The following SLC35F4 variants were observed in gnomAD, a reference collection of about 807,000 sequenced individuals.
SLC35F4 encodes solute carrier family 35 member F4.
SLC35F4 carries 24 observed loss-of-function variants against 44.2 expected under a neutral mutation model. The observed-to-expected ratio is 0.54, with a 90% CI of 0.39 to 0.76. The LOEUF (loss-of-function observed/expected upper bound fraction) is 0.76. SLC35F4 is among the 30% of genes least tolerant of loss of function. The pLI, the probability that SLC35F4 is intolerant of heterozygous loss-of-function variation, is 0.00. For missense variants in SLC35F4, 562 were observed against 586.1 expected (o/e 0.96, Z 0.42); for synonymous variants, 238 against 223.6 (o/e 1.06, Z -0.57).
At chr14:57,916,261 T>C (rs545064093) in intron 1 of SLC35F4, among the ~76,000 whole-genome samples, 4 of 152,294 alleles carry the variant, frequency 2.6e-5, no homozygotes, top group East Asian at 3.9e-4. Flanking sequence ...CATTAATCTA[T>C]TGATGAGGGC....
At chr14:57,788,413 G>T (rs1011709583) in intron 1 of SLC35F4, among the ~76,000 whole-genome samples, 2 of 152,048 alleles carry the variant, frequency 1.3e-5, no homozygotes, top group African/African-American at 4.8e-5. Flanking sequence ...TGGAACAAAT[G>T]GACTTAGCAA....
intron 1 of SLC35F4, among the ~76,000 whole-genome samples, chr14:57,671,598 A>G (rs905754446): frequency 6.6e-6 from 1 of 151,982 alleles, no homozygotes; most frequent in Non-Finnish European, 1.5e-5. Context: ...GCACTATATC[A>G]AGGGCCTTGG....
At chr14:57,636,262 C>T (rs759406819) in intron 1 of SLC35F4, among the ~76,000 whole-genome samples, 1 of 152,096 alleles carries the variant, frequency 6.6e-6, no homozygotes, top group Non-Finnish European at 1.5e-5. Flanking sequence ...GTTTTCAGTA[C>T]GTTGGATTTG....
chr14:57,881,875 G>A (rs561256352), intron 1 of SLC35F4, among the ~76,000 whole-genome samples: 26 of 152,248 alleles, frequency 1.7e-4, no homozygotes, highest in African/African-American at 6.0e-4. Context: ...TCATGATTTA[G>A]GAGTAATTGC....
At chr14:57,731,866 C>G (rs921204181) in intron 1 of SLC35F4, among the ~76,000 whole-genome samples, 1 of 152,112 alleles carries the variant, frequency 6.6e-6, no homozygotes, top group Non-Finnish European at 1.5e-5. Flanking sequence ...CATAGAAAAG[C>G]TACAAGTCTG....
At position 57,717,622 on chromosome 14, in the gene SLC35F4, C is replaced by T. The variant is rs202190287; in HGVS notation, c.104-123498G>A. Among the ~76,000 whole-genome samples, 7 of 152,248 alleles carry T rather than the reference C, an allele frequency of 4.6e-5. No individual in the cohort carries two copies. In the East Asian group the frequency reaches 1.2e-3, roughly 25 times the overall value. ...CTGCACTCCAGCCTGGGCGACAGAG[C>T]GAGACTCCGTCTCAAAAAAAGAGTT... is the stretch of plus-strand genomic sequence containing the variant. On this transcript the variant is annotated intron_variant, in intron 1 of 7. Transcript: ENST00000556826.
At chr14:57,980,328 A>G (rs566459727) in intron 1 of SLC35F4, among the ~76,000 whole-genome samples, 5 of 152,292 alleles carry the variant, frequency 3.3e-5, no homozygotes, top group African/African-American at 1.2e-4. Context: ...GGGTGTTAGG[A>G]TGGAGGCAAA....
rs770771685 is a variant in SLC35F4, at chr14:57,851,101, T to C, written c.103+14622A>G. On this transcript the variant is annotated intron_variant, in intron 1 of 7. Transcript: ENST00000556826. Reference sequence around the variant, plus strand: ...CCAGCACATTGAAGAAAACTGGGTGTCATGCACATTGTCATGCCTAAGACC... The same window carrying C: ...CCAGCACATTGAAGAAAACTGGGTGCCATGCACATTGTCATGCCTAAGACC... 6.6e-5 allele frequency among the ~76,000 whole-genome samples: 10 copies of C among 152,216 alleles called. No homozygotes were observed. In the East Asian group the frequency reaches 7.7e-4, roughly 12 times the overall value.
Position 57,730,773 on chromosome 14 carries a change from T to C in SLC35F4, c.103+134950A>G, listed in dbSNP as rs567795521. On this transcript the variant is annotated intron_variant, in intron 1 of 7. Coordinates refer to ENST00000556826, the MANE Select transcript of SLC35F4 (RefSeq NM_001306087.2). ...ATGCTTCTGCAGCGACAGGTACCTG[T>C]ATTTATCTCATAAGTCTGTCAAGGA... 9.2e-5 allele frequency among the ~76,000 whole-genome samples: 14 copies of C among 152,234 alleles called. No individual in the cohort carries two copies. The South Asian group carries it at 2.9e-3, about 32-fold the overall frequency.
chr14:57,741,632 G>A (rs1481779946), intron 1 of SLC35F4, among the ~76,000 whole-genome samples: 1 of 152,184 alleles, frequency 6.6e-6, no homozygotes, highest in Non-Finnish European at 1.5e-5. Flanking sequence ...GAAAGTGACT[G>A]GGAGAATGGA....
chr14:57,575,793 G>A (rs922592725), intron 4 of SLC35F4, among the ~76,000 whole-genome samples: 6 of 152,172 alleles, frequency 3.9e-5, no homozygotes, highest in African/African-American at 1.2e-4. Context: ...AATCAGAAGG[G>A]ATCCGTGTGG....
intron 1 of SLC35F4, among the ~76,000 whole-genome samples, chr14:57,768,223 G>T (rs772126609): frequency 6.6e-6 from 1 of 152,084 alleles, no homozygotes; most frequent in Non-Finnish European, 1.5e-5. Context: ...TTCCCATTGG[G>T]TTTACCTACA....
At chr14:57,636,839 T>C (rs781764240) in intron 1 of SLC35F4, among the ~76,000 whole-genome samples, 1 of 152,104 alleles carries the variant, frequency 6.6e-6, no homozygotes, top group Non-Finnish European at 1.5e-5. Flanking sequence ...ACCCTATACA[T>C]TATTAGAGAC....
Position 57,857,699 on chromosome 14 carries a change from T to C in SLC35F4, c.103+8024A>G, listed in dbSNP as rs185694476. Among the ~76,000 whole-genome samples, 184 of 152,178 alleles carry C rather than the reference T, an allele frequency of 1.2e-3. 1 individual carries two copies. Among genetic ancestry groups the C allele is most frequent in the African/African-American group, 4.2e-3 (173 of 41,430 alleles). ...AAGCCCAAAATAGTGTGCTAAATGC[T>C]GGAGCAGAGGTGAATACACAGCATT... On this transcript the variant is annotated intron_variant, in intron 1 of 7. Transcript: ENST00000556826.
chr14:57,715,816 CAA>C (rs1325079136), intron 1 of SLC35F4, among the ~76,000 whole-genome samples: 1 of 151,688 alleles, frequency 6.6e-6, no homozygotes, highest in Non-Finnish European at 1.5e-5. Flanking sequence ...AGAGGAGAGA[CAA>C]AAGTGAAAAG....
chr14:57,982,714 T>C (rs1881419746), upstream of SLC35F4, among the ~76,000 whole-genome samples: 2 of 152,078 alleles, frequency 1.3e-5, no homozygotes, highest in South Asian at 2.1e-4. Context: ...ATCTTTTTTC[T>C]TTTTTTTATT....
intron 3 of SLC35F4, among the ~76,000 whole-genome samples, chr14:57,582,145 T>G (rs1483866126): frequency 2.0e-5 from 3 of 152,204 alleles, no homozygotes; most frequent in Admixed American, 2.0e-4. Context: ...TTCAAGGAAG[T>G]TGGCTACATT....
At chr14:57,747,863 C>A (rs2076796583) in intron 1 of SLC35F4, among the ~76,000 whole-genome samples, 1 of 152,138 alleles carries the variant, frequency 6.6e-6, no homozygotes, top group Non-Finnish European at 1.5e-5. Flanking sequence ...GGCCCAAAAT[C>A]CCTGAATGTT....
At chr14:57,610,596 C>T (rs1182755013) in intron 1 of SLC35F4, among the ~76,000 whole-genome samples, 2 of 152,194 alleles carry the variant, frequency 1.3e-5, no homozygotes, top group Non-Finnish European at 1.5e-5. Flanking sequence ...CTTTGTCTCA[C>T]AATTTTATTT....
Sources: gnomAD v4.1 joint callset for allele counts (sites outside exome capture counted in the v4.1 genomes callset) on GRCh38, gnomAD v4.1.1 for gene constraint, MANE v1.5 for transcripts, NCBI Gene and HGNC (gene_info 2026-07-23, HGNC 2026-07-21) for gene names.